Variants in GALNTL6 observed in about 807,000 individuals in gnomAD.
GALNTL6 encodes the protein polypeptide N-acetylgalactosaminyltransferase-like 6.
In GALNTL6, 46 loss-of-function variants were observed where a neutral mutation model predicts 73.7. The observed-to-expected ratio is 0.62, with a 90% CI of 0.49 to 0.80. The LOEUF (loss-of-function observed/expected upper bound fraction) is 0.80. GALNTL6 is among the 30% of genes least tolerant of loss of function. The pLI, the probability that GALNTL6 is intolerant of heterozygous loss-of-function variation, is 0.00. For missense variants in GALNTL6, 604 were observed against 755.0 expected (o/e 0.80, Z 2.34); for synonymous variants, 259 against 263.7 (o/e 0.98, Z 0.17).
At chr4:172,265,197 C>T (rs1738410093) in intron 3 of GALNTL6, among the ~76,000 whole-genome samples, 2 of 151,908 alleles carry the variant, frequency 1.3e-5, no homozygotes, top group Non-Finnish European at 2.9e-5. Context: ...CAAGGCGCAA[C>T]CGTGAGTCTG....
chr4:172,559,255 G>A (rs1049405506), intron 5 of GALNTL6, among the ~76,000 whole-genome samples: 10 of 151,458 alleles, frequency 6.6e-5, no homozygotes, highest in Non-Finnish European at 1.5e-4. Flanking sequence ...TAGTAGAGAC[G>A]GGGTTTCACC....
chr4:172,843,967 G>A (rs983606564), intron 7 of GALNTL6, among the ~76,000 whole-genome samples: 7 of 152,186 alleles, frequency 4.6e-5, no homozygotes, highest in Non-Finnish European at 8.8e-5. Flanking sequence ...GCTGAGGCAG[G>A]AGAATCGCTT....
chr4:172,559,694 T>C (rs969414039), intron 5 of GALNTL6, among the ~76,000 whole-genome samples: 6 of 152,216 alleles, frequency 3.9e-5, no homozygotes, highest in African/African-American at 1.2e-4. Context: ...TTTATTCTTA[T>C]TGAGTCTGGT....
At chr4:172,695,086 T>C (rs906668133) in intron 5 of GALNTL6, among the ~76,000 whole-genome samples, 6 of 152,232 alleles carry the variant, frequency 3.9e-5, no homozygotes, top group Non-Finnish European at 5.9e-5. Context: ...AATGATAGTA[T>C]ATAGTGTGTC....
At chr4:172,123,747 C>T (rs1314953030) in intron 2 of GALNTL6, among the ~76,000 whole-genome samples, 3 of 152,222 alleles carry the variant, frequency 2.0e-5, no homozygotes, top group Admixed American at 6.5e-5. Context: ...GATCCACCCA[C>T]CTCAGCCTCC....
intron 2 of GALNTL6, among the ~76,000 whole-genome samples, chr4:172,212,012 T>A (rs1736338848): frequency 2.0e-5 from 3 of 152,284 alleles, no homozygotes; most frequent in African/African-American, 7.2e-5. Context: ...GTTTGTTTTG[T>A]GTTGTTTGTC....
At chr4:172,308,225 G>C (rs2111137437) in intron 3 of GALNTL6, among the ~76,000 whole-genome samples, 1 of 150,850 alleles carries the variant, frequency 6.6e-6, no homozygotes, top group South Asian at 2.1e-4. Flanking sequence ...AGAGTTTTTT[G>C]GATGAGTCTT....
chr4:171,942,091 A>G (rs972648959), intron 2 of GALNTL6, among the ~76,000 whole-genome samples: 2 of 152,070 alleles, frequency 1.3e-5, no homozygotes, highest in Non-Finnish European at 2.9e-5. Context: ...AAAACAATAT[A>G]ACAAACATTT....
chr4:172,692,786 T>G, intron 5 of GALNTL6, among the ~76,000 whole-genome samples: 1 of 152,124 alleles, frequency 6.6e-6, no homozygotes, highest in East Asian at 1.9e-4. Flanking sequence ...GTGGTGGAAG[T>G]TAGGATTGTC....
At chr4:172,185,817 T>C (rs1444769035) in intron 2 of GALNTL6, among the ~76,000 whole-genome samples, 1 of 152,202 alleles carries the variant, frequency 6.6e-6, no homozygotes, top group Admixed American at 6.5e-5. Context: ...ACTTGACATA[T>C]AAATTTAGTA....
At chr4:171,863,186 G>A (rs553799032) in intron 2 of GALNTL6, among the ~76,000 whole-genome samples, 4 of 152,274 alleles carry the variant, frequency 2.6e-5, no homozygotes, top group African/African-American at 7.2e-5. Context: ...CTTGAAAGGA[G>A]TACAAGGCCC....
rs188328036 is a variant in GALNTL6 at position 171,831,729 on chromosome 4, A to T, written c.138+17011A>T. ...GTTACCAGCTCAAAGGCATTCATTA[A>T]TAAAAATATCATTTACAGATACAAT... On this transcript the variant is annotated intron_variant, in intron 2 of 12. Coordinates refer to ENST00000506823, the MANE Select transcript of GALNTL6 (RefSeq NM_001034845.3). Among the ~76,000 whole-genome samples, 57 of 151,930 alleles carry T rather than the reference A, an allele frequency of 3.8e-4. No individual in the cohort carries two copies. The East Asian group carries it at 8.3e-3, about 22-fold the overall frequency.
At chr4:172,918,021 T>C (rs1747612929) in intron 8 of GALNTL6, among the ~76,000 whole-genome samples, 1 of 152,146 alleles carries the variant, frequency 6.6e-6, no homozygotes, top group Non-Finnish European at 1.5e-5. Context: ...AATGATAGAC[T>C]GGATAAAGAA....
chr4:172,786,236 T>C (rs146283828), intron 5 of GALNTL6, among the ~76,000 whole-genome samples: 9 of 152,318 alleles, frequency 5.9e-5, no homozygotes, highest in African/African-American at 2.2e-4. Context: ...CTTTTACAAA[T>C]AGGAAACTCA....
chr4:172,171,999 A>G (rs749611267), intron 2 of GALNTL6, among the ~76,000 whole-genome samples: 1 of 152,172 alleles, frequency 6.6e-6, no homozygotes, highest in Non-Finnish European at 1.5e-5. Context: ...AGCAGCCAGT[A>G]TGTCTGTAGG....
chr4:172,310,700 G>A (rs1336135560), intron 3 of GALNTL6, among the ~76,000 whole-genome samples: 1 of 151,956 alleles, frequency 6.6e-6, no homozygotes, highest in Non-Finnish European at 1.5e-5. Flanking sequence ...AATAAAAACA[G>A]AATGGTAGTA....
chr4:172,258,112 G>A (rs1490026265), intron 3 of GALNTL6, among the ~76,000 whole-genome samples: 7 of 151,096 alleles, frequency 4.6e-5, no homozygotes, highest in Admixed American at 2.6e-4. Flanking sequence ...TCCTTGCCTC[G>A]GGAATATACT....
intron 7 of GALNTL6, among the ~76,000 whole-genome samples, chr4:172,839,405 C>T (rs1315444293): frequency 6.6e-6 from 1 of 152,188 alleles, no homozygotes; most frequent in African/African-American, 2.4e-5. Context: ...TGACCTTCTG[C>T]AAGGAAACTG....
At chr4:172,612,586 G>A (rs1322094206) in intron 5 of GALNTL6, among the ~76,000 whole-genome samples, 1 of 152,052 alleles carries the variant, frequency 6.6e-6, no homozygotes, top group Non-Finnish European at 1.5e-5. Flanking sequence ...AGGGAAATGG[G>A]TGTTCTCATT....
Sources: allele counts gnomAD v4.1 joint callset (sites outside exome capture counted in the v4.1 genomes callset), GRCh38; gene constraint gnomAD v4.1.1; transcripts MANE v1.5; gene names NCBI Gene and HGNC (gene_info 2026-07-23, HGNC 2026-07-21).